The following TENM2 variants were observed in gnomAD, a reference collection of about 807,000 sequenced individuals.
TENM2 encodes the protein teneurin-2.
In TENM2, 52 loss-of-function variants were observed where a neutral mutation model predicts 245.2. The observed-to-expected ratio is 0.21, with a 90% CI of 0.17 to 0.27. The LOEUF (loss-of-function observed/expected upper bound fraction) is 0.27, where lower values mean the gene tolerates loss of function less well. Ranked by LOEUF, TENM2 falls within the 10% of genes least tolerant of loss-of-function variation. The pLI is 1.00. For missense variants in TENM2, 3,046 were observed against 3,666.8 expected (o/e 0.83, Z 4.37); for synonymous variants, 1,363 against 1,438.9 (o/e 0.95, Z 1.19).
the TENM2 span, among the ~76,000 whole-genome samples, chr5:167,198,782 A>T: frequency 6.6e-6 from 1 of 152,036 alleles, no homozygotes; most frequent in Non-Finnish European, 1.5e-5. Flanking sequence ...CCCTGAGGGA[A>T]GCAATGCCTC....
intron 2 of TENM2, among the ~76,000 whole-genome samples, chr5:167,661,247 T>G: frequency 6.6e-6 from 1 of 152,180 alleles, no homozygotes; most frequent in East Asian, 1.9e-4. Flanking sequence ...GAATTTCTAT[T>G]ATCTAAACCA....
At chr5:167,648,713 A>G in intron 2 of TENM2, among the ~76,000 whole-genome samples, 1 of 152,174 alleles carries the variant, frequency 6.6e-6, no homozygotes, top group South Asian at 2.1e-4. Flanking sequence ...GGGACCCTTC[A>G]CCACAGGCTT....
At chr5:168,249,121 C>G (rs1206321635) in intron 27 of TENM2, among the ~76,000 whole-genome samples, 1 of 111,552 alleles carries the variant, frequency 9.0e-6, no homozygotes, top group Non-Finnish European at 2.0e-5. Flanking sequence ...AAGACCCTGT[C>G]TCAAAAAAAA....
the TENM2 span, among the ~76,000 whole-genome samples, chr5:167,171,998 A>AAATCAGC: frequency 1.3e-5 from 2 of 152,190 alleles, no homozygotes; most frequent in Admixed American, 1.3e-4. Flanking sequence ...GATCATGACA[A>AAATCAGC]AATCAGCATT....
At chr5:168,037,384 G>T (rs961276594) in intron 5 of TENM2, among the ~76,000 whole-genome samples, 3 of 152,066 alleles carry the variant, frequency 2.0e-5, no homozygotes, top group Non-Finnish European at 2.9e-5. Flanking sequence ...ATGCAGGAGG[G>T]AACATATCTA....
At position 167,472,005 on chromosome 5, in the gene TENM2, C is replaced by T. The variant is rs184397495; in HGVS notation, c.502+96532C>T. ...AAGCTGGCTTGAGCCCCAGGTTGCT[C>T]GCCTATCTTTTGCTCCTTAGACCAT... On this transcript the variant is annotated intron_variant, in intron 2 of 28. Transcript: ENST00000518659. Among the ~76,000 whole-genome samples, 15 of 152,246 alleles carry T rather than the reference C, an allele frequency of 9.9e-5. 1 individual carries two copies. The East Asian group carries it at 2.5e-3, about 25-fold the overall frequency.
intron 2 of TENM2, among the ~76,000 whole-genome samples, chr5:167,429,112 C>T (rs1165881689): frequency 1.3e-5 from 2 of 152,084 alleles, no homozygotes; most frequent in East Asian, 1.9e-4. Flanking sequence ...TCTTTTAAAG[C>T]TTTCTCATAG....
At chr5:167,091,108 GT>G in the TENM2 span, among the ~76,000 whole-genome samples, 1 of 151,804 alleles carries the variant, frequency 6.6e-6, no homozygotes, top group South Asian at 2.1e-4. Flanking sequence ...AGAAGCTGGG[GT>G]TTTTTTTGTG....
At chr5:167,985,687 C>G (rs971539271) in intron 4 of TENM2, among the ~76,000 whole-genome samples, 19 of 152,232 alleles carry the variant, frequency 1.2e-4, no homozygotes, top group Non-Finnish European at 2.4e-4. Context: ...TTTTCACAGC[C>G]CTGCTAGGAT....
chr5:167,887,834 A>G (rs1156826515), intron 3 of TENM2, among the ~76,000 whole-genome samples: 1 of 152,190 alleles, frequency 6.6e-6, no homozygotes. Context: ...TCTAGAGGCT[A>G]CAAGTTCCAA....
At chr5:167,993,473 T>C (rs1783822518) in intron 5 of TENM2, among the ~76,000 whole-genome samples, 1 of 152,206 alleles carries the variant, frequency 6.6e-6, no homozygotes, top group African/African-American at 2.4e-5. Context: ...CGCAAACCTA[T>C]CCCTCACTCT....
intron 27 of TENM2, among the ~76,000 whole-genome samples, chr5:168,257,137 G>T (rs1315207035): frequency 2.6e-5 from 4 of 152,180 alleles, no homozygotes; most frequent in Non-Finnish European, 5.9e-5. Flanking sequence ...TGCTGGTGGA[G>T]CTTGCCTTCA....
intron 2 of TENM2, among the ~76,000 whole-genome samples, chr5:167,582,816 T>G (rs80278117): frequency 0.011 from 1,638 of 152,302 alleles, 38 homozygotes; most frequent in African/African-American, 0.038. Flanking sequence ...AACACTTGAC[T>G]ATTACATCCA....
At chr5:167,219,165 A>G in the TENM2 span, among the ~76,000 whole-genome samples, 2 of 152,134 alleles carry the variant, frequency 1.3e-5, no homozygotes, top group Non-Finnish European at 2.9e-5. Context: ...CAGGGCATAG[A>G]GGCTCATGCC....
chr5:168,176,624 T>C (rs1415147166), intron 13 of TENM2, among the ~76,000 whole-genome samples: 5 of 152,216 alleles, frequency 3.3e-5, no homozygotes, highest in Non-Finnish European at 5.9e-5. Context: ...ACACTGTCAC[T>C]GTAATTCCAT....
intron 2 of TENM2, among the ~76,000 whole-genome samples, chr5:167,501,686 G>A (rs1769224473): frequency 6.6e-6 from 1 of 152,144 alleles, no homozygotes; most frequent in Admixed American, 6.6e-5. Context: ...GAATCAGGTT[G>A]AGAAAGTGTG....
At chr5:167,203,143 C>T in the TENM2 span, among the ~76,000 whole-genome samples, 1 of 152,152 alleles carries the variant, frequency 6.6e-6, no homozygotes, top group African/African-American at 2.4e-5. Context: ...TTCCAGAGCA[C>T]AGTCTGGATC....
At chr5:167,736,077 T>G (rs1760775656) in intron 2 of TENM2, among the ~76,000 whole-genome samples, 1 of 152,164 alleles carries the variant, frequency 6.6e-6, no homozygotes, top group Admixed American at 6.5e-5. Flanking sequence ...GACTCACAGT[T>G]CAGCATGGCT....
chr5:167,376,284 C>T (rs1438013780), intron 2 of TENM2, among the ~76,000 whole-genome samples: 1 of 152,144 alleles, frequency 6.6e-6, no homozygotes, highest in Non-Finnish European at 1.5e-5. Flanking sequence ...TAGGTTACAG[C>T]TGATTTAAGA....
Sources: allele counts gnomAD v4.1 joint callset (sites outside exome capture counted in the v4.1 genomes callset), GRCh38; gene constraint gnomAD v4.1.1; transcripts MANE v1.5; gene names NCBI Gene and HGNC (gene_info 2026-07-23, HGNC 2026-07-21).